The following XYLT1 variants were observed in gnomAD, a reference collection of about 807,000 sequenced individuals.
The protein encoded by XYLT1 is beta-D-xylosyltransferase 1.
XYLT1 carries 36 observed loss-of-function variants against 91.3 expected under a neutral mutation model. The ratio of observed to expected loss-of-function variants is 0.39; its 90% CI spans 0.30 to 0.52. The LOEUF (loss-of-function observed/expected upper bound fraction) is 0.52. XYLT1 is among the 20% of genes least tolerant of loss of function. The pLI, the probability that XYLT1 is intolerant of heterozygous loss-of-function variation, is 0.68. For missense variants in XYLT1, 1,242 were observed against 1,284.5 expected, an observed-to-expected ratio of 0.97 and a Z score of 0.51; for synonymous variants, 588 against 532.0, an observed-to-expected ratio of 1.11 and a Z score of -1.45.
intron 3 of XYLT1, among the ~76,000 whole-genome samples, chr16:17,234,928 T>C (rs772507201): frequency 9.2e-5 from 14 of 152,322 alleles, no homozygotes; most frequent in Non-Finnish European, 1.3e-4. Context: ...GTTTAATCAA[T>C]GCATTCTTCA....
At chr16:17,200,264 T>C (rs1389827983) in intron 4 of XYLT1, among the ~76,000 whole-genome samples, 1 of 151,652 alleles carries the variant, frequency 6.6e-6, no homozygotes, top group Non-Finnish European at 1.5e-5. Flanking sequence ...TTATCATTTA[T>C]GGACAAAATT....
At chr16:17,355,752 C>G (rs561812342) in intron 2 of XYLT1, among the ~76,000 whole-genome samples, 1 of 152,242 alleles carries the variant, frequency 6.6e-6, no homozygotes, top group South Asian at 2.1e-4. Context: ...CTCTGTCACC[C>G]AGGCTGGAGT....
At chr16:17,361,004 G>A (rs1329771717) in intron 1 of XYLT1, among the ~76,000 whole-genome samples, 1 of 152,182 alleles carries the variant, frequency 6.6e-6, no homozygotes, top group Non-Finnish European at 1.5e-5. Context: ...GGAACCAGGT[G>A]CACTGAATTG....
At chr16:17,265,423 A>G (rs1450256121) in intron 2 of XYLT1, among the ~76,000 whole-genome samples, 1 of 151,632 alleles carries the variant, frequency 6.6e-6, no homozygotes, top group African/African-American at 2.4e-5. Context: ...CATCAATCCA[A>G]CTCTCTCACC....
rs149641155 is a variant in XYLT1, at chr16:17,341,905, A to G, written c.402+16107T>C. On this transcript the variant is annotated intron_variant, in intron 2 of 11. Coordinates refer to ENST00000261381, the MANE Select transcript of XYLT1 (RefSeq NM_022166.4). ...TTTCACTATTAACACTCTGGTCCAA[A>G]CCACCCCTGCATGTCCCCTAACAGA... is the stretch of plus-strand genomic sequence containing the variant. Among the ~76,000 whole-genome samples, 12 of 152,172 alleles carry G rather than the reference A, an allele frequency of 7.9e-5. No homozygotes were observed. In the East Asian group the frequency reaches 2.3e-3, roughly 29 times the overall value.
intron 1 of XYLT1, among the ~76,000 whole-genome samples, chr16:17,396,080 G>A (rs916731948): frequency 2.6e-5 from 4 of 152,126 alleles, no homozygotes; most frequent in East Asian, 1.9e-4. Context: ...AAACAAAGGC[G>A]TCTGGCTTGG....
intron 1 of XYLT1, among the ~76,000 whole-genome samples, chr16:17,418,673 C>T (rs537177722): frequency 3.9e-5 from 6 of 152,020 alleles, no homozygotes; most frequent in Admixed American, 6.5e-5. Flanking sequence ...TATGGCAAAA[C>T]CCTGTCTCTA....
At chr16:17,124,104 A>G (rs568730538) in intron 10 of XYLT1, among the ~76,000 whole-genome samples, 1 of 152,298 alleles carries the variant, frequency 6.6e-6, no homozygotes, top group East Asian at 1.9e-4. Context: ...TTTTAAGTGA[A>G]GCTTTTAGGC....
At chr16:17,121,492 A>G (rs2030053252) in intron 10 of XYLT1, among the ~76,000 whole-genome samples, 1 of 152,188 alleles carries the variant, frequency 6.6e-6, no homozygotes. Flanking sequence ...ACATATTCAA[A>G]TTCAAGCTTA....
intron 1 of XYLT1, among the ~76,000 whole-genome samples, chr16:17,460,834 T>C (rs2036810315): frequency 6.6e-6 from 1 of 152,114 alleles, no homozygotes; most frequent in East Asian, 1.9e-4. Flanking sequence ...GTGGACAAAA[T>C]CAAACCCACC....
At chr16:17,323,299 C>T (rs1011906871) in intron 2 of XYLT1, among the ~76,000 whole-genome samples, 3 of 152,196 alleles carry the variant, frequency 2.0e-5, no homozygotes, top group Non-Finnish European at 2.9e-5. Context: ...CTGCTAATCA[C>T]GGAGATTAGA....
At chr16:17,160,583 A>T (rs942819104) in intron 5 of XYLT1, among the ~76,000 whole-genome samples, 7 of 152,186 alleles carry the variant, frequency 4.6e-5, no homozygotes, top group African/African-American at 1.4e-4. Context: ...CAGGCACCAG[A>T]AACACCCCGT....
intron 7 of XYLT1, among the ~76,000 whole-genome samples, chr16:17,140,657 T>C (rs2030942196): frequency 3.5e-5 from 1 of 28,966 alleles, no homozygotes; most frequent in Admixed American, 6.8e-4. Context: ...GAAGACTGTC[T>C]CAAAAAAAAA....
At chr16:17,435,066 C>A (rs2036439235) in intron 1 of XYLT1, among the ~76,000 whole-genome samples, 2 of 152,202 alleles carry the variant, frequency 1.3e-5, no homozygotes, top group South Asian at 4.1e-4. Flanking sequence ...GCTGGACAGG[C>A]CACTTACTTC....
intron 1 of XYLT1, among the ~76,000 whole-genome samples, chr16:17,464,489 CAAAAAA>C (rs34575069): frequency 4.2e-5 from 5 of 120,068 alleles, no homozygotes; most frequent in Admixed American, 8.4e-5. Context: ...AAAACTGTCT[CAAAAAA>C]AAAAAAAAAA....
chr16:17,235,960 G>A (rs143235793), intron 3 of XYLT1, among the ~76,000 whole-genome samples: 9 of 152,194 alleles, frequency 5.9e-5, no homozygotes, highest in East Asian at 1.9e-4. Flanking sequence ...TCTATCTCCC[G>A]GGTTCAAGCA....
intron 2 of XYLT1, among the ~76,000 whole-genome samples, chr16:17,304,401 C>G (rs554836555): frequency 1.1e-4 from 17 of 152,228 alleles, no homozygotes; most frequent in African/African-American, 4.1e-4. Flanking sequence ...GTTGCCAACA[C>G]AATACTGTCC....
rs74010602 is a variant in XYLT1, at chr16:17,298,553, G to C, written c.403-39055C>G. On this transcript the variant is annotated intron_variant, in intron 2 of 11. Transcript: ENST00000261381. ...AGGTCCCTTAAAGTCTCTGTGAAGC[G>C]TAAGGATGGGAGGTGGGAGTCCTGA... Among the ~76,000 whole-genome samples the C allele has an allele frequency of 2.9e-3, 446 of 152,270 alleles. 1 individual carries two copies. Among genetic ancestry groups the C allele is most frequent in the African/African-American group, 9.8e-3 (407 of 41,554 alleles).
chr16:17,166,598 A>C (rs1597163866), intron 5 of XYLT1, among the ~76,000 whole-genome samples: 1 of 148,256 alleles, frequency 6.7e-6, no homozygotes, highest in African/African-American at 2.5e-5. Flanking sequence ...AGTAACCTCC[A>C]CCTCCTGGGT....
Sources: gnomAD v4.1 joint callset for allele counts (sites outside exome capture counted in the v4.1 genomes callset) on GRCh38, gnomAD v4.1.1 for gene constraint, MANE v1.5 for transcripts, NCBI Gene and HGNC (gene_info 2026-07-23, HGNC 2026-07-21) for gene names.